The following MDGA2 variants were observed in gnomAD, a reference collection of about 807,000 sequenced individuals.
MDGA2 encodes MAM domain-containing glycosylphosphatidylinositol anchor protein 2.
Under a neutral mutation model 117.8 loss-of-function variants are expected in MDGA2, and 40 were observed. The ratio of observed to expected loss-of-function variants is 0.34; its 90% CI spans 0.26 to 0.44. The LOEUF is 0.44. Ranked by LOEUF, MDGA2 falls within the 20% of genes least tolerant of loss-of-function variation. The pLI is 1.00. For missense variants in MDGA2, 1,123 were observed against 1,250.6 expected, an observed-to-expected ratio of 0.90 and a Z score of 1.54; for synonymous variants, 452 against 439.0, an observed-to-expected ratio of 1.03 and a Z score of -0.37.
chr14:47,094,827 TTACAA>T (rs1002316515), intron 6 of MDGA2, among the ~76,000 whole-genome samples: 11 of 151,876 alleles, frequency 7.2e-5, no homozygotes, highest in African/African-American at 2.2e-4. Context: ...CAAACACCGA[TTACAA>T]TACAATTTTT....
At chr14:47,569,064 ATATC>A (rs1417545463) in intron 1 of MDGA2, among the ~76,000 whole-genome samples, 2 of 152,046 alleles carry the variant, frequency 1.3e-5, no homozygotes, top group East Asian at 3.9e-4. Flanking sequence ...AATAAATAAT[ATATC>A]TAACCTTGTG....
intron 3 of MDGA2, among the ~76,000 whole-genome samples, chr14:47,155,888 CTTTTTTTTTTTTTTTTTTTTTTT>C (rs55827732): frequency 2.2e-3 from 87 of 40,190 alleles, no homozygotes; most frequent in Admixed American, 3.4e-3. Flanking sequence ...TCTTCTTCTT[CTTTTTTTTTTTTTTTTTTTTTTT>C]TTTTTTTTTT....
intron 5 of MDGA2, among the ~76,000 whole-genome samples, chr14:47,106,755 C>G (rs963480338): frequency 1.8e-4 from 27 of 150,002 alleles, no homozygotes; most frequent in African/African-American, 6.1e-4. Context: ...CCTTCTTAAT[C>G]AATACAGAGG....
chr14:47,122,607 A>G (rs890079468), intron 5 of MDGA2, among the ~76,000 whole-genome samples: 1 of 152,138 alleles, frequency 6.6e-6, no homozygotes, highest in Non-Finnish European at 1.5e-5. Flanking sequence ...TGTTAGAGCC[A>G]GTAACCTATA....
intron 1 of MDGA2, among the ~76,000 whole-genome samples, chr14:47,447,974 T>C (rs1893159574): frequency 6.6e-6 from 1 of 151,882 alleles, no homozygotes; most frequent in African/African-American, 2.4e-5. Context: ...CTGAGTGGGG[T>C]GATAAGAGTG....
At chr14:47,097,454 A>G (rs1594616745) in intron 5 of MDGA2, among the ~76,000 whole-genome samples, 1 of 152,016 alleles carries the variant, frequency 6.6e-6, no homozygotes, top group African/African-American at 2.4e-5. Flanking sequence ...GCTGACAATC[A>G]TCTTCTGTTT....
At chr14:47,285,434 T>C (rs1275388791) in intron 2 of MDGA2, among the ~76,000 whole-genome samples, 1 of 152,172 alleles carries the variant, frequency 6.6e-6, no homozygotes, top group East Asian at 1.9e-4. Context: ...TCATAAGCAG[T>C]AAATTTAGAG....
rs149640844 is a variant in MDGA2, at chr14:47,061,319, T to C, written c.1455A>G (p.Thr485=). The stretch of plus-strand genomic sequence containing the variant: ...CTCCTCCCTTCAGAGATGCTACACA[T>C]GTGTACGTCCCAAAATCCGTGAATT... ...DLKFTDFGTY[T]CVASLKGGGI... is the part of the protein sequence containing the mutation. The change falls in exon 7 of 17, where the codon ACA becomes ACG. Residue 485 remains threonine, a synonymous_variant. Transcript: ENST00000399232. 2.1e-4 allele frequency: 342 copies of C among 1,613,626 alleles called. 2 individuals carry two copies. In the African/African-American group the frequency reaches 4.1e-3, roughly 19 times the overall value.
chr14:47,389,757 A>G (rs529466966), intron 1 of MDGA2, among the ~76,000 whole-genome samples: 2 of 152,286 alleles, frequency 1.3e-5, no homozygotes, highest in East Asian at 3.9e-4. Context: ...GGGATTTCCC[A>G]GAGAGCTGTG....
chr14:47,052,024 G>A (rs1349830261), intron 7 of MDGA2, among the ~76,000 whole-genome samples: 1 of 151,730 alleles, frequency 6.6e-6, no homozygotes, highest in Non-Finnish European at 1.5e-5. Context: ...TAAATCTGGT[G>A]GAAGCATTTA....
intron 1 of MDGA2, among the ~76,000 whole-genome samples, chr14:47,488,789 G>A (rs531563848): frequency 5.9e-5 from 9 of 152,044 alleles, no homozygotes; most frequent in African/African-American, 1.9e-4. Flanking sequence ...ATAACACTCT[G>A]CACAACAGAG....
chr14:47,055,521 T>C (rs776858958), intron 7 of MDGA2, among the ~76,000 whole-genome samples: 72 of 152,260 alleles, frequency 4.7e-4, no homozygotes, highest in Non-Finnish European at 8.5e-4. Context: ...AAGCAAATGC[T>C]AGATTATATC....
chr14:46,979,847 C>G (rs1886600098), intron 8 of MDGA2, among the ~76,000 whole-genome samples: 1 of 152,148 alleles, frequency 6.6e-6, no homozygotes, highest in African/African-American at 2.4e-5. Flanking sequence ...GAAGCTGCAG[C>G]AAGTTATCCG....
At chr14:47,246,861 G>T (rs1206512133) in intron 2 of MDGA2, among the ~76,000 whole-genome samples, 1 of 134,596 alleles carries the variant, frequency 7.4e-6, no homozygotes, top group African/African-American at 2.9e-5. Context: ...AAAGCCAGAT[G>T]ATCCCTAGGA....
chr14:47,267,570 T>A (rs914814741), intron 2 of MDGA2, among the ~76,000 whole-genome samples: 30 of 152,252 alleles, frequency 2.0e-4, no homozygotes, highest in African/African-American at 6.7e-4. Context: ...ATAATTTAAT[T>A]TTTCCATTAT....
intron 8 of MDGA2, among the ~76,000 whole-genome samples, chr14:46,975,836 T>A (rs188458067): frequency 4.6e-5 from 7 of 152,230 alleles, no homozygotes; most frequent in Non-Finnish European, 2.9e-5. Flanking sequence ...GCCAGTTTCC[T>A]GGTTCAGACA....
At chr14:46,869,134 T>G (rs1456454146) in intron 14 of MDGA2, among the ~76,000 whole-genome samples, 1 of 151,986 alleles carries the variant, frequency 6.6e-6, no homozygotes, top group Non-Finnish European at 1.5e-5. Context: ...TGAACTCCTT[T>G]GCTTTCCCCC....
intron 10 of MDGA2, among the ~76,000 whole-genome samples, chr14:46,904,849 A>G (rs1193657206): frequency 6.6e-6 from 1 of 152,188 alleles, no homozygotes; most frequent in Admixed American, 6.5e-5. Flanking sequence ...ATCCAACTTC[A>G]GGCTTTCAAC....
intron 1 of MDGA2, among the ~76,000 whole-genome samples, chr14:47,628,985 C>A (rs1367392088): frequency 6.6e-6 from 1 of 152,190 alleles, no homozygotes; most frequent in East Asian, 1.9e-4. Context: ...CTGTCACAGG[C>A]ACTGTAGCCT....
Sources: allele counts gnomAD v4.1 joint callset (sites outside exome capture counted in the v4.1 genomes callset), GRCh38; gene constraint gnomAD v4.1.1; transcripts MANE v1.5; gene names NCBI Gene and HGNC (gene_info 2026-07-23, HGNC 2026-07-21).